Variants in CARS1 observed in about 807,000 individuals in gnomAD.
The protein encoded by CARS1 is cysteine--tRNA ligase, cytoplasmic.
CARS1 carries 48 observed loss-of-function variants against 106.2 expected under a neutral mutation model. The ratio of observed to expected loss-of-function variants is 0.45; its 90% CI spans 0.36 to 0.57. The LOEUF is 0.57. Ranked by LOEUF, CARS1 falls within the 20% of genes least tolerant of loss-of-function variation. CARS1 has a pLI of 0.00. For missense variants in CARS1, 968 were observed against 1,057.2 expected (o/e 0.92, Z 1.17); for synonymous variants, 409 against 403.4 (o/e 1.01, Z -0.17).
chr11:3,054,487 G>C (rs1855997660), intron 1 of CARS1, among the ~76,000 whole-genome samples: 1 of 152,224 alleles, frequency 6.6e-6, no homozygotes, highest in Admixed American at 6.5e-5. Context: ...GTGGCTCTGG[G>C]GAAAACATCG....
chr11:3,036,315 C>T (rs1213429154), intron 7 of CARS1, among the ~76,000 whole-genome samples: 4 of 152,298 alleles, frequency 2.6e-5, no homozygotes, highest in Non-Finnish European at 1.5e-5. Flanking sequence ...TGGGAACCCC[C>T]GACAGTCACT....
chr11:3,014,815 C>A (rs999076394), intron 17 of CARS1, among the ~76,000 whole-genome samples: 4 of 152,228 alleles, frequency 2.6e-5, no homozygotes, highest in South Asian at 2.1e-4. Context: ...TTTCTCTTTG[C>A]AAGTTGGTTC....
rs569882366 is a variant in CARS1 at position 3,037,509 on chromosome 11, G to A, written c.801+541C>T. ...AGGCCTTCCTGACTGTGTCCAGGGC[G>A]CCAGCCACAGGGAAAGGCCTGAGGA... On this transcript the variant is annotated intron_variant, in intron 7 of 22. Coordinates refer to ENST00000380525, the MANE Select transcript of CARS1 (RefSeq NM_001014437.3). This position sits in a 1 kb window ranked among gnomAD's most constrained non-coding sequence, Gnocchi z 5.9. Among the ~76,000 whole-genome samples the A allele has an allele frequency of 2.0e-5, 3 of 152,330 alleles. No individual in the cohort carries two copies. Among genetic ancestry groups the A allele is most frequent in the African/African-American group, 7.2e-5 (3 of 41,576 alleles).
Position 3,046,686 on chromosome 11 carries a change from A to G in CARS1, c.274+1067T>C, listed in dbSNP as rs1271491154. Among the ~76,000 whole-genome samples, 1 of 152,158 alleles carries G rather than the reference A, an allele frequency of 6.6e-6. No homozygotes were observed. Among genetic ancestry groups the G allele is most frequent in the Non-Finnish European group, 1.5e-5 (1 of 68,022 alleles). On this transcript the variant is annotated intron_variant, in intron 2 of 22. Coordinates refer to ENST00000380525, the MANE Select transcript of CARS1 (RefSeq NM_001014437.3). The surrounding 1 kb of genome is among the most constrained non-coding windows in gnomAD (Gnocchi z 5.8). ...AACGGAGTCTGGAGAAGCCCCCAGA[A>G]GGCTGCCAGCTACAGCCAGGACCAC...
Position 3,001,956 on chromosome 11 carries a change from G to GCTTA in CARS1, c.2361+10_2361+13dup, listed in dbSNP as rs1184689999. The GCTTA allele has an allele frequency of 1.3e-6, 2 of 1,581,058 alleles. No homozygotes were observed. Among genetic ancestry groups the GCTTA allele is most frequent in the Non-Finnish European group, 1.7e-6 (2 of 1,150,108 alleles). ...CAAGTTCTGAATAGAAGAGAAGGAT[G>GCTTA]CTTACATGCTTACATTTTCATCAAA... is the stretch of plus-strand genomic sequence containing the variant. On this transcript the variant is annotated intron_variant, in intron 22 of 22. Transcript: ENST00000380525.
rs773539989 is a variant in CARS1 at position 3,039,280 on chromosome 11, C to T, written c.565G>A (p.Ala189Thr). The change falls in exon 6 of 23, where the codon GCC becomes ACC. Residue 189 changes from alanine to threonine, a missense_variant. Ala to Thr is a moderately conservative substitution (Grantham distance 58, BLOSUM62 0). Coordinates refer to ENST00000380525, the MANE Select transcript of CARS1 (RefSeq NM_001014437.3). The surrounding 1 kb of genome is among the most constrained non-coding windows in gnomAD (Gnocchi z 5.6). ...TDIDDKIIKR[A>T]RQNHLFEQYR... ...TGCTCGAACAGGTGGTTCTGCCGGG[C>T]CCTCTTGATGATCTGGGGAGGGAAG... is the stretch of plus-strand genomic sequence containing the variant. The T allele has an allele frequency of 6.2e-7, 1 of 1,611,464 alleles. No individual in the cohort carries two copies. The highest frequency in any genetic ancestry group is 8.5e-7 in the Non-Finnish European group (1 of 1,177,748).
chr11:3,040,691 T>C lies in CARS1; in HGVS notation c.455+205A>G, dbSNP rs1854330736. The C allele has an allele frequency of 5.7e-6, 4 of 696,464 alleles. No individual in the cohort carries two copies. Among genetic ancestry groups the C allele is most frequent in the African/African-American group, 1.8e-5 (1 of 57,024 alleles). The allele number at this position is 696,464 out of a possible 1,614,324, so 43.1% of individuals were successfully genotyped here. On this transcript the variant is annotated intron_variant, in intron 4 of 22. Coordinates refer to ENST00000380525, the MANE Select transcript of CARS1 (RefSeq NM_001014437.3). This position sits in a 1 kb window ranked among gnomAD's most constrained non-coding sequence, Gnocchi z 5.8. ...TTTTCTTTTTGGTGATCTGTAGTCT[T>C]TCTGCAGTGAATATAGATTACTTAT...
At chr11:3,042,335 G>C (rs193018071) in intron 2 of CARS1, 79 bp from the exon 3 acceptor site, 1 of 979,832 alleles carries the variant, frequency 1.0e-6, no homozygotes, top group East Asian at 2.5e-5. Flanking sequence ...TGGAGACTTG[G>C]TTTTTACAAC....
chr11:3,005,496 A>AGCCCT (rs376603650), intron 19 of CARS1, 63 bp from the exon 20 acceptor site: 393 of 1,305,358 alleles, frequency 3.0e-4, no homozygotes, highest in Admixed American at 7.9e-4. Flanking sequence ...CTGCGGGGCC[A>AGCCCT]GCCCTGCCCT....
intron 7 of CARS1, among the ~76,000 whole-genome samples, chr11:3,036,677 TC>T (rs1226102360): frequency 6.6e-6 from 1 of 152,232 alleles, no homozygotes; most frequent in African/African-American, 2.4e-5. Flanking sequence ...TCCGTGTATA[TC>T]CCCAAAAGAA....
rs548638586 is a variant in CARS1 at position 3,003,093 on chromosome 11, C to T, written c.2218-493G>A. ...CTAGGTGAGGAGACCAGAGCCCACT[C>T]CAACCAGCAGGCAGCACCCGGGCAG... On this transcript the variant is annotated intron_variant, in intron 20 of 22. Coordinates refer to ENST00000380525, the MANE Select transcript of CARS1 (RefSeq NM_001014437.3). The surrounding 1 kb of genome is among the most constrained non-coding windows in gnomAD (Gnocchi z 4.8). Among the ~76,000 whole-genome samples, 7 of 152,224 alleles carry T rather than the reference C, an allele frequency of 4.6e-5. No homozygotes were observed. The highest frequency in any genetic ancestry group is 2.0e-4 in the Admixed American group (3 of 15,302).
chr11:3,054,778 G>C (rs768160739), intron 1 of CARS1: 3 of 673,026 alleles, frequency 4.5e-6, no homozygotes, highest in East Asian at 2.7e-5. Context: ...AAAGCATTTA[G>C]AGCAGTGCCT....
At position 3,028,256 on chromosome 11, in the gene CARS1, T is replaced by C; in HGVS notation, c.1031+740A>G. The C allele has an allele frequency of 2.2e-6, 1 of 464,050 alleles. No homozygotes were observed. 28.7% of individuals were successfully genotyped at this position (464,050 alleles called of 1,614,324 possible). A position where few individuals can be genotyped will look rare whatever the true frequency, so the allele number is the denominator to read the frequency against. On this transcript the variant is annotated intron_variant, in intron 9 of 22. Coordinates refer to ENST00000380525, the MANE Select transcript of CARS1 (RefSeq NM_001014437.3). This position sits in a 1 kb window ranked among gnomAD's most constrained non-coding sequence, Gnocchi z 4.4. ...TGGCTCACTCTCCTTAACCTACCCCTTTGTCTTGTATCCAATAAATATCAG... is the reference window on the plus strand; with the variant it reads ...TGGCTCACTCTCCTTAACCTACCCCCTTGTCTTGTATCCAATAAATATCAG...
intron 18 of CARS1, 80 bp downstream of exon 18, chr11:3,012,115 G>T: frequency 7.8e-7 from 1 of 1,284,496 alleles, no homozygotes; most frequent in Non-Finnish European, 1.1e-6. Context: ...GAACGCCATA[G>T]TGCCTCGGGG....
Position 3,028,674 on chromosome 11 carries a change from C to T in CARS1, c.1031+322G>A. The T allele has an allele frequency of 2.5e-6, 1 of 401,866 alleles. No homozygotes were observed. The highest frequency in any genetic ancestry group is 4.4e-6 in the Non-Finnish European group (1 of 225,502). 24.9% of individuals were successfully genotyped at this position (401,866 alleles called of 1,614,324 possible). A position where few individuals can be genotyped will look rare whatever the true frequency, so the allele number is the denominator to read the frequency against. On this transcript the variant is annotated intron_variant, in intron 9 of 22. Coordinates refer to ENST00000380525, the MANE Select transcript of CARS1 (RefSeq NM_001014437.3). This position sits in a 1 kb window ranked among gnomAD's most constrained non-coding sequence, Gnocchi z 4.4. ...CACTCTCAAAATGTCTACGCAATGG[C>T]ACTGATGTCTGTGAAGGCCCAGCAG...
Position 3,040,353 on chromosome 11 carries a change from A to G in CARS1, c.456-422T>C, listed in dbSNP as rs993513082. The G allele has an allele frequency of 1.1e-5, 4 of 356,970 alleles. No individual in the cohort carries two copies. The highest frequency in any genetic ancestry group is 7.5e-5 in the East Asian group (1 of 13,334). 22.1% of individuals were successfully genotyped at this position (356,970 alleles called of 1,614,324 possible). On this transcript the variant is annotated intron_variant, in intron 4 of 22. Coordinates refer to ENST00000380525, the MANE Select transcript of CARS1 (RefSeq NM_001014437.3). This position sits in a 1 kb window ranked among gnomAD's most constrained non-coding sequence, Gnocchi z 5.8. ...GATTTTCAACTGTGCAGAGGGTCAC[A>G]CCCTCTACCCTCCAGGTTGTTCAAG...
chr11:3,056,189 T>G (rs1324711800), intron 1 of CARS1, among the ~76,000 whole-genome samples: 1 of 152,162 alleles, frequency 6.6e-6, no homozygotes, highest in Non-Finnish European at 1.5e-5. Context: ...TATAACCCAA[T>G]AAACCCTCAG....
rs1030206408 is a variant in CARS1, at chr11:3,008,813, G to A, written c.2069-1854C>T. 9 of 152,102 alleles carry A rather than the reference G, an allele frequency of 5.9e-5. No homozygotes were observed. The highest frequency in any genetic ancestry group is 2.2e-4 in the African/African-American group (9 of 41,394). The allele number at this position is 152,102 out of a possible 1,614,324, so 9.4% of individuals were successfully genotyped here. A position where few individuals can be genotyped will look rare whatever the true frequency, so the allele number is the denominator to read the frequency against. ...CCTGAGGAGCAGCTGACTGGGGCAT[G>A]AGCTGAGGTAGGTGCCTGCCCTTCA... On this transcript the variant is annotated intron_variant, in intron 18 of 22. Coordinates refer to ENST00000380525, the MANE Select transcript of CARS1 (RefSeq NM_001014437.3). The surrounding 1 kb of genome is among the most constrained non-coding windows in gnomAD (Gnocchi z 5.1).
intron 10 of CARS1, among the ~76,000 whole-genome samples, chr11:3,025,429 T>C (rs918597666): frequency 6.6e-5 from 10 of 152,206 alleles, no homozygotes; most frequent in African/African-American, 1.9e-4. Flanking sequence ...GGTTTCGCCA[T>C]GTTGGCCAGG....
Sources: allele counts gnomAD v4.1 joint callset (sites outside exome capture counted in the v4.1 genomes callset), GRCh38; gene constraint gnomAD v4.1.1; non-coding constraint Gnocchi (gnomAD v3.1); transcripts MANE v1.5; gene names NCBI Gene and HGNC (gene_info 2026-07-23, HGNC 2026-07-21).